SEPHS1: variants seen among roughly 807,000 people sequenced by gnomAD.
The protein encoded by SEPHS1 is selenophosphate synthetase 1, also known as zincore component SEPHS1.
Under a neutral mutation model 39.2 loss-of-function variants are expected in SEPHS1, and 7 were observed. That is an observed-to-expected ratio of 0.18 (90% CI 0.10 to 0.34). The LOEUF (loss-of-function observed/expected upper bound fraction) is 0.34. Ranked by LOEUF, SEPHS1 falls within the 10% of genes least tolerant of loss-of-function variation. The pLI is 1.00. For synonymous variants in SEPHS1, 190 were observed against 195.5 expected, an observed-to-expected ratio of 0.97 and a Z score of 0.23; for missense variants, 253 against 514.5, an observed-to-expected ratio of 0.49 and a Z score of 4.92.
At chr10:13,332,279 A>G (rs1390665213) in intron 5 of SEPHS1, among the ~76,000 whole-genome samples, 1 of 152,234 alleles carries the variant, frequency 6.6e-6, no homozygotes, top group Non-Finnish European at 1.5e-5. Context: ...ACAGCATGTC[A>G]TGCTGCACGA....
intron 6 of SEPHS1, 160 bp downstream of exon 6, chr10:13,329,538 T>C (rs1833407589): frequency 1.8e-6 from 1 of 545,694 alleles, no homozygotes; most frequent in Non-Finnish European, 3.2e-6. Flanking sequence ...AAAACTGTTA[T>C]TTAAAGACTA....
chr10:13,327,132 T>C (rs1050953738), intron 7 of SEPHS1, among the ~76,000 whole-genome samples: 1 of 148,506 alleles, frequency 6.7e-6, no homozygotes, highest in Non-Finnish European at 1.5e-5. Context: ...TCCCAGCTAC[T>C]GGGAAGGCTG....
chr10:13,337,957 C>T (rs1449404374), intron 3 of SEPHS1, among the ~76,000 whole-genome samples: 3 of 152,210 alleles, frequency 2.0e-5, no homozygotes, highest in Non-Finnish European at 2.9e-5. Context: ...TTGCCACACA[C>T]GAAGAACACC....
At chr10:13,323,909 A>C (rs900188374) in intron 7 of SEPHS1, among the ~76,000 whole-genome samples, 2 of 152,098 alleles carry the variant, frequency 1.3e-5, no homozygotes, top group African/African-American at 2.4e-5. Context: ...TCCATACTAC[A>C]GATACACTAC....
In SEPHS1 at chr10:13,336,226, G is replaced by A. The variant is rs180691350; in HGVS notation, c.405+17C>T. ...GGACAACACGGACCAGGCAGCAGCCGGGTAGCTCCTACTTACCCTGTCGGT... is the reference window on the plus strand; with the variant it reads ...GGACAACACGGACCAGGCAGCAGCCAGGTAGCTCCTACTTACCCTGTCGGT... On this transcript the variant is annotated intron_variant, in intron 4 of 8. Transcript: ENST00000327347. 2.6e-5 allele frequency: 40 copies of A among 1,537,662 alleles called. No homozygotes were observed. The highest frequency in any genetic ancestry group is 2.2e-4 in the East Asian group (10 of 44,478).
At chr10:13,340,802 T>A (rs1833760833) in intron 2 of SEPHS1, 1 of 151,758 alleles carries the variant, frequency 6.6e-6, no homozygotes. Flanking sequence ...TATCCACGGT[T>A]TCTCTTTCAC....
intron 2 of SEPHS1, among the ~76,000 whole-genome samples, chr10:13,339,013 T>C (rs1833717944): frequency 6.6e-6 from 1 of 152,136 alleles, no homozygotes; most frequent in African/African-American, 2.4e-5. Flanking sequence ...CCAATGAAAA[T>C]GTTACTCATC....
At chr10:13,325,186 T>C (rs1247082301) in intron 7 of SEPHS1, among the ~76,000 whole-genome samples, 2 of 152,240 alleles carry the variant, frequency 1.3e-5, no homozygotes, top group African/African-American at 4.8e-5. Context: ...TAGCAATTTT[T>C]TAATAGATAG....
intron 8 of SEPHS1, among the ~76,000 whole-genome samples, chr10:13,321,251 T>C (rs1476640995): frequency 1.7e-5 from 2 of 114,666 alleles, no homozygotes; most frequent in East Asian, 4.4e-4. Context: ...ATGTGTATTT[T>C]TCTTTTTTTT....
At chr10:13,346,743 C>T (rs1292416672) in intron 1 of SEPHS1, among the ~76,000 whole-genome samples, 1 of 152,138 alleles carries the variant, frequency 6.6e-6, no homozygotes, top group Non-Finnish European at 1.5e-5. Flanking sequence ...AAGAAAAAAT[C>T]CAACTCACGA....
intron 1 of SEPHS1, 134 bp downstream of exon 1, chr10:13,347,866 C>G (rs1354758052): frequency 7.0e-6 from 1 of 142,458 alleles, no homozygotes; most frequent in Non-Finnish European, 1.5e-5. Context: ...GCAGGGCTGG[C>G]GGGGCCGGCG....
intron 2 of SEPHS1, among the ~76,000 whole-genome samples, chr10:13,342,424 C>T (rs778280722): frequency 5.4e-4 from 81 of 150,732 alleles, no homozygotes; most frequent in South Asian, 4.2e-4. Flanking sequence ...CTACTAAAAA[C>T]ACAAAAAAAT....
chr10:13,338,430 C>G (rs1833701778), intron 3 of SEPHS1, among the ~76,000 whole-genome samples: 1 of 152,106 alleles, frequency 6.6e-6, no homozygotes, highest in Non-Finnish European at 1.5e-5. Flanking sequence ...TGCTACTAAA[C>G]AAGAGGTGTT....
chr10:13,338,866 A>C, intron 2 of SEPHS1, 58 bp from the exon 3 acceptor site: 1 of 1,217,132 alleles, frequency 8.2e-7, no homozygotes, highest in South Asian at 1.2e-5. Context: ...ATTTCATTTT[A>C]TATCACCAGT....
rs116288882 is a variant in SEPHS1 at position 13,327,739 on chromosome 10, C to T, written c.751+612G>A. Among the ~76,000 whole-genome samples, 1,062 of 152,192 alleles carry T rather than the reference C, an allele frequency of 7.0e-3. 18 individuals carry two copies. Among genetic ancestry groups the T allele is most frequent in the African/African-American group, 0.025 (1,033 of 41,506 alleles). On this transcript the variant is annotated intron_variant, in intron 7 of 8. Coordinates refer to ENST00000327347, the MANE Select transcript of SEPHS1 (RefSeq NM_012247.5). ...GGCCAAGGAAGTCCATAGCAGTCGCCCCAGTGTGAAACAGGAGAGCAGAGA... is the reference window on the plus strand; with the variant it reads ...GGCCAAGGAAGTCCATAGCAGTCGCTCCAGTGTGAAACAGGAGAGCAGAGA...
At chr10:13,321,263 T>C (rs1296300278) in intron 8 of SEPHS1, among the ~76,000 whole-genome samples, 1 of 151,640 alleles carries the variant, frequency 6.6e-6, no homozygotes, top group Non-Finnish European at 1.5e-5. Flanking sequence ...CTTTTTTTTT[T>C]TGAGACAGAG....
intron 8 of SEPHS1, among the ~76,000 whole-genome samples, 155 bp downstream of exon 8, chr10:13,322,680 G>C (rs935625253): frequency 6.6e-6 from 1 of 152,174 alleles, no homozygotes; most frequent in Non-Finnish European, 1.5e-5. Context: ...CAGACCCACC[G>C]GGAGGAGGAA....
intron 8 of SEPHS1, chr10:13,322,148 T>G: frequency 2.5e-6 from 1 of 399,408 alleles, no homozygotes; most frequent in South Asian, 1.9e-5. Context: ...CTTTTCTTTT[T>G]TTTTTTTTTT....
chr10:13,318,473 ATGGTATTAC>A lies in SEPHS1; in HGVS notation c.*660_*668del, dbSNP rs1479054441. On this transcript the variant is annotated 3_prime_UTR_variant, in exon 9 of 9. Coordinates refer to ENST00000327347, the MANE Select transcript of SEPHS1 (RefSeq NM_012247.5). ...TTTTTTGCTATCGATAAAACAGTTA[ATGGTATTAC>A]TGTAAATATCAGGAAGGCTACAAAA... is the stretch of plus-strand genomic sequence containing the variant. 1 of 152,660 alleles carries A rather than the reference ATGGTATTAC, an allele frequency of 6.6e-6. No homozygotes were observed. Among genetic ancestry groups the A allele is most frequent in the Non-Finnish European group, 1.5e-5 (1 of 68,050 alleles). The allele number at this position is 152,660 out of a possible 1,614,324, so 9.5% of individuals were successfully genotyped here.
Sources: gnomAD v4.1 joint callset for allele counts (sites outside exome capture counted in the v4.1 genomes callset) on GRCh38, gnomAD v4.1.1 for gene constraint, MANE v1.5 for transcripts, NCBI Gene and HGNC (gene_info 2026-07-23, HGNC 2026-07-21) for gene names.